TMC7: variants seen among roughly 807,000 people sequenced by gnomAD.
The protein encoded by TMC7 is transmembrane channel like 7.
Under a neutral mutation model 82.9 loss-of-function variants are expected in TMC7, and 54 were observed. That is an observed-to-expected ratio of 0.65 (90% CI 0.52 to 0.82). The LOEUF is 0.82. TMC7 is among the 40% of genes least tolerant of loss of function. The pLI is 0.00. For missense variants in TMC7, 820 were observed against 901.2 expected (o/e 0.91, Z 1.15); for synonymous variants, 350 against 337.9 (o/e 1.04, Z -0.39).
chr16:18,999,117 C>T (rs1273754640), intron 1 of TMC7, among the ~76,000 whole-genome samples: 1 of 152,170 alleles, frequency 6.6e-6, no homozygotes, highest in Non-Finnish European at 1.5e-5. Context: ...CAGCTCACTG[C>T]AGCCTCAACC....
At chr16:19,052,855 G>C (rs902109610) in intron 13 of TMC7, among the ~76,000 whole-genome samples, 6 of 151,996 alleles carry the variant, frequency 3.9e-5, no homozygotes, top group African/African-American at 1.5e-4. Flanking sequence ...TGGGATTACA[G>C]GGACCTGCCA....
chr16:19,035,861 C>T lies in TMC7; in HGVS notation c.1005+38C>T, dbSNP rs551937134. 4.1e-4 allele frequency: 625 copies of T among 1,531,936 alleles called. 7 individuals are homozygous for T. In the South Asian group the frequency reaches 7.7e-3, roughly 19 times the overall value. 94.9% of individuals were successfully genotyped at this position (1,531,936 alleles called of 1,614,324 possible). Reference sequence around the variant, plus strand: ...GAGTTTGTCCGTGGTGGGGTCCTCACCAGCAAGGTCCTGCCTTTGGAGCCT... The same window carrying T: ...GAGTTTGTCCGTGGTGGGGTCCTCATCAGCAAGGTCCTGCCTTTGGAGCCT... On this transcript the variant is annotated intron_variant, in intron 7 of 15. Coordinates refer to ENST00000304381, the MANE Select transcript of TMC7 (RefSeq NM_024847.4).
intron 5 of TMC7, among the ~76,000 whole-genome samples, chr16:19,027,372 C>T (rs1048153566): frequency 1.3e-5 from 2 of 151,942 alleles, no homozygotes; most frequent in Non-Finnish European, 2.9e-5. Context: ...CGGCCCAGAA[C>T]CACTAACTCT....
chr16:19,057,990 A>C (rs1041888023), intron 14 of TMC7, among the ~76,000 whole-genome samples: 1 of 149,920 alleles, frequency 6.7e-6, no homozygotes, highest in African/African-American at 2.5e-5. Flanking sequence ...TATGTTGCCC[A>C]GGTGGGTCTT....
At chr16:18,987,935 G>A (rs1372336344) in intron 1 of TMC7, among the ~76,000 whole-genome samples, 1 of 152,168 alleles carries the variant, frequency 6.6e-6, no homozygotes, top group Non-Finnish European at 1.5e-5. Context: ...CTGGAGCAGG[G>A]ACTACTTGGA....
At chr16:18,993,674 G>GT (rs1383554729) in intron 1 of TMC7, among the ~76,000 whole-genome samples, 1 of 152,208 alleles carries the variant, frequency 6.6e-6, no homozygotes, top group Non-Finnish European at 1.5e-5. Flanking sequence ...GCTTTGAGAA[G>GT]TTTTTATTAG....
chr16:19,014,425 A>G (rs1435068760), intron 2 of TMC7, among the ~76,000 whole-genome samples: 1 of 152,166 alleles, frequency 6.6e-6, no homozygotes, highest in East Asian at 1.9e-4. Flanking sequence ...CAGATAAGGA[A>G]CCCAATGCAC....
rs184776743 is a variant in TMC7, at chr16:19,013,263, G to T, written c.312-3187G>T. 9.6e-3 allele frequency among the ~76,000 whole-genome samples: 1,452 copies of T among 151,190 alleles called. 33 individuals are homozygous for T. The highest frequency in any genetic ancestry group is 0.033 in the African/African-American group (1,367 of 41,224). ...GACGGAGTTTCGCTCTTGTTGCCCG[G>T]GCTGGAGTGCAATGGTGCGATCTCG... On this transcript the variant is annotated intron_variant, in intron 2 of 15. Coordinates refer to ENST00000304381, the MANE Select transcript of TMC7 (RefSeq NM_024847.4).
At chr16:19,059,379 C>G (rs753519901) in intron 14 of TMC7, 37 bp from the exon 15 acceptor site, 59 of 1,602,296 alleles carry the variant, frequency 3.7e-5, no homozygotes, top group Non-Finnish European at 4.8e-5. Flanking sequence ...TTCAGATGAT[C>G]CAGACTCCCT....
intron 5 of TMC7, among the ~76,000 whole-genome samples, chr16:19,024,029 A>G (rs993214802): frequency 2.6e-4 from 39 of 152,220 alleles, no homozygotes; most frequent in Admixed American, 2.1e-3. Context: ...GAAATCCCTT[A>G]TAAGTCAATC....
At chr16:19,045,999 A>T (rs1177751563) in intron 11 of TMC7, among the ~76,000 whole-genome samples, 2 of 152,120 alleles carry the variant, frequency 1.3e-5, no homozygotes, top group Admixed American at 1.3e-4. Context: ...AAGTGCTGGG[A>T]TTACAGGTTT....
intron 14 of TMC7, among the ~76,000 whole-genome samples, chr16:19,057,774 GC>G (rs1458167381): frequency 6.6e-6 from 1 of 152,240 alleles, no homozygotes; most frequent in East Asian, 1.9e-4. Flanking sequence ...CATTTCATCA[GC>G]CTTGTCTGAG....
At chr16:19,022,737 G>C (rs1238073503) in intron 4 of TMC7, among the ~76,000 whole-genome samples, 1 of 152,208 alleles carries the variant, frequency 6.6e-6, no homozygotes, top group Non-Finnish European at 1.5e-5. Context: ...GTGAAAAACA[G>C]GCAGGCTGTG....
chr16:19,002,145 C>T (rs1212995197), intron 1 of TMC7, among the ~76,000 whole-genome samples: 1 of 151,914 alleles, frequency 6.6e-6, no homozygotes, highest in African/African-American at 2.4e-5. Flanking sequence ...GGAAAAGTTG[C>T]CAAGAAAGGA....
rs1960832596 is a variant in TMC7 at position 19,037,933 on chromosome 16, A to C, written c.1065A>C (p.Thr355=). The change falls in exon 8 of 16, where the codon ACA becomes ACC. Residue 355 remains threonine (T), a synonymous_variant. Coordinates refer to ENST00000304381, the MANE Select transcript of TMC7 (RefSeq NM_024847.4). ...TAGCAGAAAGGACCTCAGAAGAAACAATACGCATTTACTCTTTGAGACTGT... is the reference window on the plus strand; with the variant it reads ...TAGCAGAAAGGACCTCAGAAGAAACCATACGCATTTACTCTTTGAGACTGT... ...QKIAERTSEE[T]IRIYSLRLFL... The C allele has an allele frequency of 1.2e-6, 2 of 1,613,968 alleles. No homozygotes were observed. Among genetic ancestry groups the C allele is most frequent in the African/African-American group, 1.3e-5 (1 of 74,938 alleles).
intron 7 of TMC7, among the ~76,000 whole-genome samples, chr16:19,037,433 A>G (rs1420162703): frequency 6.7e-6 from 1 of 148,468 alleles, no homozygotes; most frequent in East Asian, 2.0e-4. Flanking sequence ...GGCTAAGTCT[A>G]GGATGGTTTC....
chr16:19,011,437 C>T (rs887701128), intron 2 of TMC7, among the ~76,000 whole-genome samples: 6 of 151,452 alleles, frequency 4.0e-5, no homozygotes, highest in East Asian at 1.9e-4. Context: ...GAGAGGCTGA[C>T]GCAGGAGGAT....
intron 9 of TMC7, among the ~76,000 whole-genome samples, chr16:19,042,538 C>T (rs574453008): frequency 1.7e-4 from 25 of 147,562 alleles, no homozygotes; most frequent in Admixed American, 6.1e-4. Context: ...GACGGAGTCT[C>T]ACTTTGTCGC....
chr16:18,997,652 G>A (rs916959249), intron 1 of TMC7, among the ~76,000 whole-genome samples: 3 of 151,532 alleles, frequency 2.0e-5, no homozygotes, highest in African/African-American at 4.8e-5. Context: ...TTGAGCCACC[G>A]CACCCAGCCA....
Sources: allele counts gnomAD v4.1 joint callset (sites outside exome capture counted in the v4.1 genomes callset), GRCh38; gene constraint gnomAD v4.1.1; transcripts MANE v1.5; gene names NCBI Gene and HGNC (gene_info 2026-07-23, HGNC 2026-07-21).